The following TNFSF4 variants were observed in gnomAD, a reference collection of about 807,000 sequenced individuals.
The protein encoded by TNFSF4 is TNF superfamily member 4, also known as tumor necrosis factor ligand superfamily member 4.
In TNFSF4, 4 loss-of-function variants were observed where a neutral mutation model predicts 7.3. The observed-to-expected ratio is 0.55, with a 90% CI of 0.27 to 1.25. TNFSF4 has a LOEUF of 1.25. Among genes scored for constraint, TNFSF4 ranks in the 50% most tolerant of loss-of-function variants. The probability of loss-of-function intolerance (pLI) is 0.12; values close to 1 mark genes in which losing one functional copy is unlikely to be tolerated. For synonymous variants in TNFSF4, 76 were observed against 83.7 expected, an observed-to-expected ratio of 0.91 and a Z score of 0.50; for missense variants, 181 against 208.8, an observed-to-expected ratio of 0.87 and a Z score of 0.82.
At chr1:173,397,790 A>G in the TNFSF4 span, among the ~76,000 whole-genome samples, 1 of 152,098 alleles carries the variant, frequency 6.6e-6, no homozygotes, top group South Asian at 2.1e-4. Context: ...AAGCAACACA[A>G]CCTTCCCAGA....
chr1:173,320,057 G>C, the TNFSF4 span, among the ~76,000 whole-genome samples: 3 of 152,292 alleles, frequency 2.0e-5, no homozygotes, highest in South Asian at 6.2e-4. Flanking sequence ...CAATATCCCT[G>C]ATGAACATGG....
the TNFSF4 span, among the ~76,000 whole-genome samples, chr1:173,349,549 A>G: frequency 6.6e-6 from 1 of 152,208 alleles, no homozygotes; most frequent in Non-Finnish European, 1.5e-5. Context: ...TCTAACCGAC[A>G]AAGTGGCCTT....
At chr1:173,441,623 C>CA in the TNFSF4 span, among the ~76,000 whole-genome samples, 1 of 150,778 alleles carries the variant, frequency 6.6e-6, no homozygotes, top group Non-Finnish European at 1.5e-5. Context: ...GACTCTGTCT[C>CA]AAAAAAAAAT....
the TNFSF4 span, among the ~76,000 whole-genome samples, chr1:173,417,062 TC>T: frequency 5.9e-5 from 9 of 152,228 alleles, no homozygotes; most frequent in African/African-American, 2.2e-4. Flanking sequence ...CCAAATTGTG[TC>T]CCACGGAATG....
the TNFSF4 span, among the ~76,000 whole-genome samples, chr1:173,229,227 G>A: frequency 6.6e-4 from 100 of 152,274 alleles, 3 homozygotes; most frequent in Admixed American, 9.8e-4. Context: ...GACTAACAGC[G>A]GATCTCTCAG....
the TNFSF4 span, among the ~76,000 whole-genome samples, chr1:173,289,832 A>G: frequency 9.9e-5 from 15 of 152,258 alleles, 1 homozygote; most frequent in South Asian, 3.1e-3. Flanking sequence ...AACCACCTAA[A>G]CCTAAGTACC....
the TNFSF4 span, among the ~76,000 whole-genome samples, chr1:173,430,599 T>G: frequency 6.6e-6 from 1 of 152,202 alleles, no homozygotes; most frequent in East Asian, 1.9e-4. Context: ...CTCTAACAGA[T>G]TCTTTGAAAA....
At chr1:173,385,022 G>A in the TNFSF4 span, among the ~76,000 whole-genome samples, 2 of 152,190 alleles carry the variant, frequency 1.3e-5, no homozygotes, top group African/African-American at 4.8e-5. Context: ...TAGCAAACAG[G>A]ACTCTAGTAC....
At chr1:173,363,113 A>G in the TNFSF4 span, 1 of 341,014 alleles carries the variant, frequency 2.9e-6, no homozygotes, top group South Asian at 3.3e-5. Context: ...GAGTTTTGCT[A>G]CCAACTCTTA....
At chr1:173,446,370 C>G in the TNFSF4 span, among the ~76,000 whole-genome samples, 1 of 152,196 alleles carries the variant, frequency 6.6e-6, no homozygotes, top group Admixed American at 6.5e-5. Context: ...TATGTCCACA[C>G]AAAAACCTGC....
chr1:173,291,438 T>A, the TNFSF4 span, among the ~76,000 whole-genome samples: 2 of 152,164 alleles, frequency 1.3e-5, no homozygotes, highest in African/African-American at 4.8e-5. Context: ...ATCAAAAAAA[T>A]TTTTGAAACT....
At chr1:173,428,264 A>G in the TNFSF4 span, among the ~76,000 whole-genome samples, 1 of 152,228 alleles carries the variant, frequency 6.6e-6, no homozygotes, top group Non-Finnish European at 1.5e-5. Context: ...ATCTTATGGG[A>G]CTACCATCCA....
chr1:173,421,138 A>G, the TNFSF4 span, among the ~76,000 whole-genome samples: 5 of 152,208 alleles, frequency 3.3e-5, no homozygotes, highest in African/African-American at 1.2e-4. Flanking sequence ...GAAAAAATAT[A>G]GGCCGCACAG....
the TNFSF4 span, among the ~76,000 whole-genome samples, chr1:173,252,095 T>C: frequency 3.3e-5 from 5 of 152,218 alleles, no homozygotes; most frequent in Non-Finnish European, 7.3e-5. Flanking sequence ...TCAAATGTTT[T>C]ATGTTAATAG....
At chr1:173,177,155 T>G in the TNFSF4 span, among the ~76,000 whole-genome samples, 1 of 152,070 alleles carries the variant, frequency 6.6e-6, no homozygotes. Flanking sequence ...AAAGGTAAAT[T>G]TTATGCTTGC....
intron 1 of TNFSF4, among the ~76,000 whole-genome samples, chr1:173,189,718 C>A (rs1389581236): frequency 6.6e-6 from 1 of 151,624 alleles, no homozygotes; most frequent in South Asian, 2.1e-4. Context: ...AATAATAACA[C>A]CTGTGTGGGC....
At chr1:173,205,243 C>A in intron 1 of TNFSF4, 1 of 1,571,752 alleles carries the variant, frequency 6.4e-7, no homozygotes, top group Non-Finnish European at 8.7e-7. Context: ...TCAAATATAC[C>A]ACCTATGTCT....
At chr1:173,286,176 T>C in the TNFSF4 span, among the ~76,000 whole-genome samples, 9 of 152,342 alleles carry the variant, frequency 5.9e-5, no homozygotes, top group African/African-American at 2.2e-4. Flanking sequence ...TTTCACCTCA[T>C]ATAGTTCTAT....
chr1:173,353,064 T>A, the TNFSF4 span, among the ~76,000 whole-genome samples: 2 of 152,340 alleles, frequency 1.3e-5, no homozygotes, highest in South Asian at 4.1e-4. Flanking sequence ...TGTTATCCTG[T>A]TCTTTTCTCA....
Sources: gnomAD v4.1 joint callset for allele counts (sites outside exome capture counted in the v4.1 genomes callset) on GRCh38, gnomAD v4.1.1 for gene constraint, MANE v1.5 for transcripts, NCBI Gene and HGNC (gene_info 2026-07-23, HGNC 2026-07-21) for gene names.